The following CACNA2D3 variants were observed in gnomAD, a reference collection of about 807,000 sequenced individuals.
CACNA2D3 encodes the protein calcium voltage-gated channel auxiliary subunit alpha2delta 3, also known as voltage-dependent calcium channel subunit alpha-2/delta-3.
CACNA2D3 carries 60 observed loss-of-function variants against 160.6 expected under a neutral mutation model. That is an observed-to-expected ratio of 0.37 (90% CI 0.30 to 0.46). CACNA2D3 has a LOEUF of 0.46. Ranked by LOEUF, CACNA2D3 falls within the 20% of genes least tolerant of loss-of-function variation. The pLI is 1.00. For synonymous variants in CACNA2D3, 558 were observed against 492.9 expected (o/e 1.13, Z -1.75); for missense variants, 1,205 against 1,365.0 (o/e 0.88, Z 1.85).
Position 54,879,326 on chromosome 3 carries a change from ACT to A in CACNA2D3, c.1783-23_1783-22del, listed in dbSNP as rs1491205156. The A allele has an allele frequency of 2.8e-6, 4 of 1,418,760 alleles. No individual in the cohort carries two copies. In the East Asian group the frequency reaches 9.9e-5, roughly 35 times the overall value. 87.9% of individuals were successfully genotyped at this position (1,418,760 alleles called of 1,614,324 possible). Reference sequence around the variant, plus strand: ...CTAACCATGTTTTCTTTTCTCTACGACTTTTTTTTTTTTTTCAATCTAGAAAC... The same window carrying A: ...CTAACCATGTTTTCTTTTCTCTACGATTTTTTTTTTTTTCAATCTAGAAAC... On this transcript the variant is annotated intron_variant, in intron 19 of 37. Transcript: ENST00000474759.
intron 11 of CACNA2D3, among the ~76,000 whole-genome samples, chr3:54,742,348 G>A (rs1450940053): frequency 6.6e-6 from 1 of 152,130 alleles, no homozygotes; most frequent in Non-Finnish European, 1.5e-5. Flanking sequence ...AACCTGGGAG[G>A]CGGAGGTTGC....
intron 5 of CACNA2D3, among the ~76,000 whole-genome samples, chr3:54,554,392 T>G (rs1341288037): frequency 6.6e-6 from 1 of 152,106 alleles, no homozygotes; most frequent in Admixed American, 6.6e-5. Flanking sequence ...ATTTGTCGAG[T>G]AAACAAATGA....
At chr3:54,474,999 C>A (rs1479401742) in intron 4 of CACNA2D3, among the ~76,000 whole-genome samples, 2 of 152,152 alleles carry the variant, frequency 1.3e-5, no homozygotes, top group African/African-American at 4.8e-5. Flanking sequence ...TTATTCTACA[C>A]TGAAGGTGTT....
chr3:54,862,151 A>G (rs1699304850), intron 17 of CACNA2D3, among the ~76,000 whole-genome samples: 1 of 152,146 alleles, frequency 6.6e-6, no homozygotes, highest in African/African-American at 2.4e-5. Context: ...ACATATTTAT[A>G]CTGTAAAGCA....
intron 3 of CACNA2D3, among the ~76,000 whole-genome samples, chr3:54,383,699 G>C (rs1275847218): frequency 1.4e-5 from 2 of 146,718 alleles, no homozygotes; most frequent in Non-Finnish European, 3.0e-5. Flanking sequence ...TTCCCTATTA[G>C]AAAAAAAAAA....
At chr3:54,534,644 T>G (rs539303721) in intron 5 of CACNA2D3, among the ~76,000 whole-genome samples, 4 of 152,102 alleles carry the variant, frequency 2.6e-5, no homozygotes, top group African/African-American at 9.6e-5. Flanking sequence ...AGATTCTGGC[T>G]GGGCATGGTG....
chr3:54,939,238 C>G (rs538765601), intron 27 of CACNA2D3, among the ~76,000 whole-genome samples: 2 of 152,290 alleles, frequency 1.3e-5, no homozygotes, highest in African/African-American at 2.4e-5. Context: ...ATTTCTCCAC[C>G]ACTCCAGGGT....
chr3:54,307,133 T>C (rs903795716), intron 2 of CACNA2D3, among the ~76,000 whole-genome samples: 1 of 152,142 alleles, frequency 6.6e-6, no homozygotes, highest in Non-Finnish European at 1.5e-5. Flanking sequence ...GTGTCTGAAA[T>C]GGATTATTTC....
At chr3:54,834,538 T>G (rs80099232) in intron 14 of CACNA2D3, among the ~76,000 whole-genome samples, 18 of 152,364 alleles carry the variant, frequency 1.2e-4, no homozygotes, top group Non-Finnish European at 2.6e-4. Context: ...TATATACTGG[T>G]TGACTTGGTT....
chr3:54,871,168 A>G (rs1020364081), intron 17 of CACNA2D3, among the ~76,000 whole-genome samples: 4 of 144,508 alleles, frequency 2.8e-5, no homozygotes, highest in African/African-American at 8.1e-5. Context: ...TTACATGTAT[A>G]CCATATAGGT....
Position 54,735,981 on chromosome 3 carries a change from G to GTA in CACNA2D3, c.1168-16607_1168-16606dup, listed in dbSNP as rs1159479484. On this transcript the variant is annotated intron_variant, in intron 11 of 37. Coordinates refer to ENST00000474759, the MANE Select transcript of CACNA2D3 (RefSeq NM_018398.3). ...ATCTTTGCATTATTTTTCCATGCATGTATATATATATACATATATATATAT... is the reference window on the plus strand; with the variant it reads ...ATCTTTGCATTATTTTTCCATGCATGTATATATATATATACATATATATATAT... Among the ~76,000 whole-genome samples the GTA allele has an allele frequency of 7.7e-4, 68 of 88,008 alleles. 1 individual carries two copies. The South Asian group carries it at 0.01, about 13-fold the overall frequency. The allele number at this position is 88,008 out of a possible 152,430, so 57.7% of individuals were successfully genotyped here. A position where few individuals can be genotyped will look rare whatever the true frequency, so the allele number is the denominator to read the frequency against.
intron 4 of CACNA2D3, among the ~76,000 whole-genome samples, chr3:54,455,792 T>C (rs1014075789): frequency 6.6e-6 from 1 of 152,160 alleles, no homozygotes; most frequent in African/African-American, 2.4e-5. Flanking sequence ...CTTCTACAAA[T>C]GTATATCCAG....
chr3:54,622,043 C>T (rs1451088077), intron 9 of CACNA2D3, among the ~76,000 whole-genome samples: 1 of 152,182 alleles, frequency 6.6e-6, no homozygotes, highest in Non-Finnish European at 1.5e-5. Flanking sequence ...GTGTCTTACT[C>T]AGGCTTGTAG....
chr3:54,523,604 T>G lies in CACNA2D3; in HGVS notation c.544+19950T>G, dbSNP rs932940708. Among the ~76,000 whole-genome samples, 5 of 152,268 alleles carry G rather than the reference T, an allele frequency of 3.3e-5. No homozygotes were observed. In the South Asian group the frequency reaches 1.0e-3, roughly 32 times the overall value. On this transcript the variant is annotated intron_variant, in intron 5 of 37. Coordinates refer to ENST00000474759, the MANE Select transcript of CACNA2D3 (RefSeq NM_018398.3). ...TGGAAGAGTTCGTGAAGAATTGGTA[T>G]TCTTTAAATGTTTGATAGAATTTAC...
rs377051021 is a variant in CACNA2D3, at chr3:54,880,866, A to G, written c.1912+3A>G. 124 of 1,613,024 alleles carry G rather than the reference A, an allele frequency of 7.7e-5. No homozygotes were observed. The highest frequency in any genetic ancestry group is 1.0e-4 in the Non-Finnish European group (121 of 1,179,128). ...AGGGAATGTAACCATCGAAGAAGGT[A>G]AGATACTGCCTGGCTCGTCTTATCC... On this transcript the variant is annotated splice_donor_region_variant and intron_variant, in intron 21 of 37. Transcript: ENST00000474759.
intron 11 of CACNA2D3, among the ~76,000 whole-genome samples, chr3:54,697,703 GT>G (rs1361540158): frequency 1.4e-4 from 21 of 152,310 alleles, no homozygotes; most frequent in Middle Eastern, 3.4e-3. Context: ...TGGAGCAAGA[GT>G]GCTATAGGCA....
intron 11 of CACNA2D3, among the ~76,000 whole-genome samples, chr3:54,687,119 TTCTTTTTTTTTTTTTG>T (rs1700464060): frequency 2.1e-5 from 1 of 47,662 alleles, no homozygotes; most frequent in Non-Finnish European, 4.5e-5. Context: ...CTTTTTCTTT[TTCTTTTTTTTTTTTTG>T]TTTTTTTTTT....
intron 3 of CACNA2D3, among the ~76,000 whole-genome samples, chr3:54,348,690 A>T (rs1212879139): frequency 1.3e-5 from 2 of 152,248 alleles, no homozygotes; most frequent in African/African-American, 2.4e-5. Context: ...AAGAAGAGAG[A>T]TGCTGTGTCA....
intron 2 of CACNA2D3, among the ~76,000 whole-genome samples, chr3:54,234,508 G>A (rs1419369948): frequency 6.6e-6 from 1 of 152,134 alleles, no homozygotes. Context: ...CATTTACTGA[G>A]TATATATCCA....
Sources: gnomAD v4.1 joint callset for allele counts (sites outside exome capture counted in the v4.1 genomes callset) on GRCh38, gnomAD v4.1.1 for gene constraint, MANE v1.5 for transcripts, NCBI Gene and HGNC (gene_info 2026-07-23, HGNC 2026-07-21) for gene names.